GPC6: variants seen among roughly 807,000 people sequenced by gnomAD.
GPC6 encodes glypican-6.
A neutral mutation model predicts 55.2 loss-of-function variants in GPC6; 14 were observed. The ratio of observed to expected loss-of-function variants is 0.25; its 90% CI spans 0.17 to 0.40. The LOEUF (loss-of-function observed/expected upper bound fraction) is 0.40, where lower values mean the gene tolerates loss of function less well. Among genes scored for constraint, GPC6 ranks in the 10% least tolerant of loss-of-function variants. The probability of loss-of-function intolerance (pLI) is 1.00; values close to 1 mark genes in which losing one functional copy is unlikely to be tolerated. For missense variants in GPC6, 641 were observed against 708.5 expected (o/e 0.90, Z 1.08); for synonymous variants, 278 against 259.6 (o/e 1.07, Z -0.68).
At chr13:93,860,576 A>G (rs958167096) in intron 3 of GPC6, among the ~76,000 whole-genome samples, 1 of 151,664 alleles carries the variant, frequency 6.6e-6, no homozygotes, top group Non-Finnish European at 1.5e-5. Context: ...ATTTCTGTGC[A>G]GAATGTCTCA....
At chr13:93,687,113 A>G (rs1389224979) in intron 2 of GPC6, among the ~76,000 whole-genome samples, 2 of 152,010 alleles carry the variant, frequency 1.3e-5, no homozygotes, top group Non-Finnish European at 2.9e-5. Flanking sequence ...CATTTCTTAA[A>G]TTTCATGTTC....
intron 2 of GPC6, among the ~76,000 whole-genome samples, chr13:93,646,213 A>T (rs1347128628): frequency 6.6e-6 from 1 of 152,162 alleles, no homozygotes; most frequent in African/African-American, 2.4e-5. Context: ...TGAATTTCCT[A>T]AACATAATTA....
intron 4 of GPC6, among the ~76,000 whole-genome samples, chr13:94,271,366 A>ATG (rs1555313877): frequency 1.5e-5 from 2 of 131,224 alleles, no homozygotes; most frequent in African/African-American, 2.8e-5. Context: ...ACACACACAC[A>ATG]CGCGCGCGCG....
chr13:93,827,331 A>G (rs964126986), intron 2 of GPC6, among the ~76,000 whole-genome samples: 1 of 152,196 alleles, frequency 6.6e-6, no homozygotes, highest in African/African-American at 2.4e-5. Flanking sequence ...GTTTGCTGAG[A>G]AACAATTTTC....
At chr13:93,620,148 A>G (rs1164126176) in intron 2 of GPC6, among the ~76,000 whole-genome samples, 1 of 152,160 alleles carries the variant, frequency 6.6e-6, no homozygotes, top group East Asian at 1.9e-4. Flanking sequence ...GATTTTCACA[A>G]ATCGTTTAGT....
At chr13:93,302,551 G>A (rs1375450003) in intron 1 of GPC6, among the ~76,000 whole-genome samples, 1 of 152,188 alleles carries the variant, frequency 6.6e-6, no homozygotes, top group Non-Finnish European at 1.5e-5. Context: ...GATATTTATA[G>A]GGCTGAATGT....
At chr13:93,833,170 T>C (rs1300827192) in intron 3 of GPC6, among the ~76,000 whole-genome samples, 3 of 151,008 alleles carry the variant, frequency 2.0e-5, no homozygotes, top group African/African-American at 7.3e-5. Context: ...GGTATATATA[T>C]ATATAGCCTT....
chr13:94,137,755 G>A (rs551941225), intron 4 of GPC6, among the ~76,000 whole-genome samples: 2 of 152,224 alleles, frequency 1.3e-5, no homozygotes, highest in African/African-American at 4.8e-5. Context: ...TGGCAAATGA[G>A]CAAGGCAAAA....
intron 3 of GPC6, among the ~76,000 whole-genome samples, chr13:94,005,928 T>TA (rs1276428254): frequency 4.6e-5 from 7 of 152,118 alleles, no homozygotes; most frequent in Non-Finnish European, 8.8e-5. Flanking sequence ...CTCTCTGCTT[T>TA]AAAAAAAGAC....
intron 1 of GPC6, among the ~76,000 whole-genome samples, chr13:93,235,589 G>A (rs917341647): frequency 2.0e-5 from 3 of 151,776 alleles, no homozygotes; most frequent in African/African-American, 7.3e-5. Flanking sequence ...GATGAGAGGA[G>A]TGAAGAAGGG....
intron 3 of GPC6, among the ~76,000 whole-genome samples, chr13:93,988,848 C>T (rs930172949): frequency 6.6e-6 from 1 of 151,926 alleles, no homozygotes; most frequent in African/African-American, 2.4e-5. Context: ...TATAGGGAAA[C>T]ATATAAAGAA....
At chr13:93,977,691 T>A (rs78290763) in intron 3 of GPC6, among the ~76,000 whole-genome samples, 1 of 152,170 alleles carries the variant, frequency 6.6e-6, no homozygotes, top group Non-Finnish European at 1.5e-5. Flanking sequence ...GCTAGACATA[T>A]GCACATCCTT....
chr13:93,743,294 A>G (rs144226504), intron 2 of GPC6, among the ~76,000 whole-genome samples: 10 of 152,308 alleles, frequency 6.6e-5, no homozygotes, highest in African/African-American at 2.2e-4. Flanking sequence ...TGAAAGACCT[A>G]AGCTTGAATT....
rs139558345 is a variant in GPC6 at position 94,082,227 on chromosome 13, T to A, written c.877+54333T>A. On this transcript the variant is annotated intron_variant, in intron 4 of 8. Transcript: ENST00000377047. ...TTACTCTCCTACAACCAACATGTCT[T>A]CATGTCCTCAAATTCACACTTTACT... Among the ~76,000 whole-genome samples the A allele has an allele frequency of 5.3e-5, 8 of 152,240 alleles. No homozygotes were observed. The East Asian group carries it at 1.5e-3, about 29-fold the overall frequency.
chr13:93,651,628 G>A (rs1187968430), intron 2 of GPC6, among the ~76,000 whole-genome samples: 1 of 152,036 alleles, frequency 6.6e-6, no homozygotes, highest in Non-Finnish European at 1.5e-5. Context: ...TACAACTACC[G>A]ACGCAGTCAG....
intron 3 of GPC6, among the ~76,000 whole-genome samples, chr13:93,853,838 G>A (rs771277803): frequency 3.4e-4 from 51 of 151,212 alleles, no homozygotes; most frequent in Non-Finnish European, 6.9e-4. Context: ...TGTCCTCACG[G>A]GAATTAAATA....
intron 4 of GPC6, among the ~76,000 whole-genome samples, chr13:94,283,071 G>A (rs1177275235): frequency 6.6e-6 from 1 of 152,184 alleles, no homozygotes; most frequent in African/African-American, 2.4e-5. Flanking sequence ...AAGATCACCA[G>A]CTTTGCATCT....
At chr13:94,180,124 C>T (rs1463620081) in intron 4 of GPC6, among the ~76,000 whole-genome samples, 1 of 151,904 alleles carries the variant, frequency 6.6e-6, no homozygotes, top group East Asian at 1.9e-4. Context: ...AGAGAGGGTA[C>T]AAGGTAGGAG....
chr13:93,233,805 G>A (rs7994602), intron 1 of GPC6, among the ~76,000 whole-genome samples: 21 of 152,252 alleles, frequency 1.4e-4, no homozygotes, highest in African/African-American at 5.1e-4. Context: ...GGGGAGAGGG[G>A]TGTGGGAGAC....
Sources: allele counts gnomAD v4.1 joint callset (sites outside exome capture counted in the v4.1 genomes callset), GRCh38; gene constraint gnomAD v4.1.1; transcripts MANE v1.5; gene names NCBI Gene and HGNC (gene_info 2026-07-23, HGNC 2026-07-21).